EYA4: variants seen among roughly 807,000 people sequenced by gnomAD.
EYA4 encodes the protein protein phosphatase EYA4.
In EYA4, 31 loss-of-function variants were observed where a neutral mutation model predicts 87.9. That is an observed-to-expected ratio of 0.35 (90% CI 0.27 to 0.48). The LOEUF (loss-of-function observed/expected upper bound fraction) is 0.48. Ranked by LOEUF, EYA4 falls within the 20% of genes least tolerant of loss-of-function variation. The pLI is 0.99. For synonymous variants in EYA4, 263 were observed against 270.6 expected (o/e 0.97, Z 0.28); for missense variants, 678 against 761.4 (o/e 0.89, Z 1.29).
At position 133,446,616 on chromosome 6, in the gene EYA4, T is replaced by C; in HGVS notation, c.84-14T>C. 1 of 1,613,896 alleles carries C rather than the reference T, an allele frequency of 6.2e-7. No homozygotes were observed. On this transcript the variant is annotated splice_polypyrimidine_tract_variant and intron_variant, in intron 3 of 19. Transcript: ENST00000355286. ...GCAATTTCAACTTTTCTCTGCTGCT[T>C]ACTGCTCTACCAGGTCTATGGAAAT...
chr6:133,292,234 G>A (rs1778546949), intron 2 of EYA4, among the ~76,000 whole-genome samples: 1 of 152,110 alleles, frequency 6.6e-6, no homozygotes, highest in Admixed American at 6.5e-5. Flanking sequence ...AGTAAGTCAG[G>A]AATCACTCAT....
chr6:133,415,642 A>G (rs1789649793), intron 3 of EYA4, among the ~76,000 whole-genome samples: 1 of 152,178 alleles, frequency 6.6e-6, no homozygotes, highest in African/African-American at 2.4e-5. Context: ...CCTATAATTT[A>G]CCATCTCCTG....
chr6:133,361,632 T>G (rs114148954), intron 2 of EYA4, among the ~76,000 whole-genome samples: 1,846 of 152,296 alleles, frequency 0.012, 27 homozygotes, highest in South Asian at 0.044. Context: ...GGGGTCCTGA[T>G]AGAGACATAA....
In EYA4 at chr6:133,255,329, A is replaced by G. The variant is rs577457443; in HGVS notation, c.-66+13580A>G. 3.0e-4 allele frequency among the ~76,000 whole-genome samples: 46 copies of G among 152,222 alleles called. 1 individual carries two copies. The highest frequency in any genetic ancestry group is 1.0e-3 in the African/African-American group (43 of 41,544). On this transcript the variant is annotated intron_variant, in intron 1 of 19. Coordinates refer to ENST00000355286, the MANE Select transcript of EYA4 (RefSeq NM_004100.5). ...ACAGAGATGATAGAGGTTACTTTTG[A>G]GAGGAATGACCAGAGGGAGCAAGAG... is the stretch of plus-strand genomic sequence containing the variant.
At chr6:133,264,472 G>C (rs555578621) in intron 1 of EYA4, among the ~76,000 whole-genome samples, 34 of 152,374 alleles carry the variant, frequency 2.2e-4, no homozygotes, top group African/African-American at 7.5e-4. Flanking sequence ...AGACCATTAC[G>C]TGGCTGTTGC....
intron 2 of EYA4, among the ~76,000 whole-genome samples, chr6:133,371,155 G>C (rs1053608991): frequency 1.3e-5 from 2 of 152,168 alleles, no homozygotes; most frequent in African/African-American, 4.8e-5. Context: ...AAGCTTTGCT[G>C]TGTTGGGACT....
rs17062316 is a variant in EYA4 at position 133,306,491 on chromosome 6, G to T, written c.33+31678G>T. Among the ~76,000 whole-genome samples the T allele has an allele frequency of 4.6e-3, 703 of 152,316 alleles. 20 individuals carry two copies. The East Asian group carries it at 0.067, about 15-fold the overall frequency. ...GATCAGCTGTTTTTCCAGATGAAAA[G>T]TGTATTCTCCAAGGGAAGAAACAAA... On this transcript the variant is annotated intron_variant, in intron 2 of 19. Transcript: ENST00000355286.
At chr6:133,349,063 A>G (rs1783433942) in intron 2 of EYA4, among the ~76,000 whole-genome samples, 1 of 152,178 alleles carries the variant, frequency 6.6e-6, no homozygotes, top group Non-Finnish European at 1.5e-5. Flanking sequence ...TGGTCTTTGA[A>G]TGTGCCAGAC....
chr6:133,400,456 T>C (rs530305342), intron 3 of EYA4, among the ~76,000 whole-genome samples: 3 of 150,426 alleles, frequency 2.0e-5, no homozygotes, highest in Non-Finnish European at 4.4e-5. Flanking sequence ...TGCAGTGAGC[T>C]GAGATTGCAC....
At chr6:133,261,283 G>A (rs530229948) in intron 1 of EYA4, among the ~76,000 whole-genome samples, 9 of 152,210 alleles carry the variant, frequency 5.9e-5, no homozygotes, top group African/African-American at 2.2e-4. Context: ...TCTTTGTTTT[G>A]GGGGTTTTAA....
chr6:133,380,438 G>A (rs1452368292), intron 2 of EYA4, among the ~76,000 whole-genome samples: 1 of 152,098 alleles, frequency 6.6e-6, no homozygotes, highest in Non-Finnish European at 1.5e-5. Context: ...AAAGCCGTGG[G>A]TGTTAAAGAC....
chr6:133,369,759 G>A (rs1785127861), intron 2 of EYA4, among the ~76,000 whole-genome samples: 1 of 152,152 alleles, frequency 6.6e-6, no homozygotes. Flanking sequence ...AGTAAAATTT[G>A]CTTTTTGAAA....
chr6:133,499,805 A>T lies in EYA4; in HGVS notation c.1192-6301A>T, dbSNP rs143556541. Among the ~76,000 whole-genome samples the T allele has an allele frequency of 4.2e-3, 644 of 152,052 alleles. 5 individuals are homozygous for T. Among genetic ancestry groups the T allele is most frequent in the African/African-American group, 0.015 (609 of 41,480 alleles). ...CTCATAAGCAACTCTAGAGAAGTCT[A>T]GTTCCCGAGAAATTATACTAAGCCA... On this transcript the variant is annotated intron_variant, in intron 13 of 19. Coordinates refer to ENST00000355286, the MANE Select transcript of EYA4 (RefSeq NM_004100.5).
At chr6:133,353,612 A>G (rs1783797477) in intron 2 of EYA4, among the ~76,000 whole-genome samples, 1 of 152,100 alleles carries the variant, frequency 6.6e-6, no homozygotes, top group Non-Finnish European at 1.5e-5. Flanking sequence ...AAATTCCAAG[A>G]CCGGATTCTC....
chr6:133,368,715 T>A (rs1785042164), intron 2 of EYA4, among the ~76,000 whole-genome samples: 1 of 152,190 alleles, frequency 6.6e-6, no homozygotes, highest in African/African-American at 2.4e-5. Context: ...CTCTCTGTCA[T>A]ATAAATATCA....
At chr6:133,438,559 C>T (rs1791932979) in intron 3 of EYA4, among the ~76,000 whole-genome samples, 1 of 151,610 alleles carries the variant, frequency 6.6e-6, no homozygotes, top group South Asian at 2.1e-4. Flanking sequence ...TTTAAGTTTA[C>T]ATTAATTTCT....
intron 1 of EYA4, among the ~76,000 whole-genome samples, chr6:133,262,726 AC>A (rs1311455006): frequency 6.6e-6 from 1 of 152,190 alleles, no homozygotes; most frequent in Non-Finnish European, 1.5e-5. Flanking sequence ...AGAAGTATGA[AC>A]CCCATTATCA....
intron 2 of EYA4, among the ~76,000 whole-genome samples, chr6:133,356,669 G>A (rs1445111186): frequency 1.3e-5 from 2 of 151,902 alleles, no homozygotes; most frequent in Non-Finnish European, 2.9e-5. Context: ...TATAGTGAAT[G>A]TGAAAGAGTT....
At chr6:133,264,778 C>T (rs1227280432) in intron 1 of EYA4, among the ~76,000 whole-genome samples, 7 of 152,122 alleles carry the variant, frequency 4.6e-5, no homozygotes, top group East Asian at 1.9e-4. Context: ...TCCATGTTCA[C>T]GTTTCTTTAG....
Sources: allele counts gnomAD v4.1 joint callset (sites outside exome capture counted in the v4.1 genomes callset), GRCh38; gene constraint gnomAD v4.1.1; transcripts MANE v1.5; gene names NCBI Gene and HGNC (gene_info 2026-07-23, HGNC 2026-07-21).